CDH13: variants seen among roughly 807,000 people sequenced by gnomAD.
CDH13 encodes cadherin 13.
CDH13 carries 24 observed loss-of-function variants against 63.8 expected under a neutral mutation model. The ratio of observed to expected loss-of-function variants is 0.38; its 90% CI spans 0.27 to 0.53. The LOEUF is 0.53. Ranked by LOEUF, CDH13 falls within the 20% of genes least tolerant of loss-of-function variation. The pLI is 0.85. For missense variants in CDH13, 1,049 were observed against 903.1 expected (o/e 1.16, Z -2.07); for synonymous variants, 503 against 355.3 (o/e 1.42, Z -4.67).
At chr16:83,211,152 A>G (rs1229229416) in intron 4 of CDH13, among the ~76,000 whole-genome samples, 1 of 152,012 alleles carries the variant, frequency 6.6e-6, no homozygotes, top group Non-Finnish European at 1.5e-5. Flanking sequence ...CATCTCAAAA[A>G]AAAAAAAAAA....
At chr16:83,368,561 G>A (rs1338771601) in intron 6 of CDH13, among the ~76,000 whole-genome samples, 3 of 151,618 alleles carry the variant, frequency 2.0e-5, no homozygotes, top group Admixed American at 6.6e-5. Flanking sequence ...AACAGGTGGT[G>A]TTTGGTTACA....
intron 4 of CDH13, among the ~76,000 whole-genome samples, chr16:83,191,852 C>T (rs545936498): frequency 3.9e-5 from 6 of 152,138 alleles, no homozygotes; most frequent in African/African-American, 7.2e-5. Context: ...GTCTGCCTTT[C>T]CCAGCCCACT....
At chr16:83,776,450 C>G (rs1915120020) in intron 11 of CDH13, among the ~76,000 whole-genome samples, 1 of 152,138 alleles carries the variant, frequency 6.6e-6, no homozygotes. Context: ...TGATGATATG[C>G]CACCATTAGA....
At chr16:83,764,443 A>T (rs1914223476) in intron 11 of CDH13, among the ~76,000 whole-genome samples, 1 of 152,216 alleles carries the variant, frequency 6.6e-6, no homozygotes. Flanking sequence ...ATGCAAAAGA[A>T]ACTGATTTTG....
At chr16:83,713,997 G>T (rs1451247721) in intron 10 of CDH13, among the ~76,000 whole-genome samples, 1 of 152,158 alleles carries the variant, frequency 6.6e-6, no homozygotes, top group Non-Finnish European at 1.5e-5. Context: ...AAATTCCTGG[G>T]CTCATGCTCA....
At position 83,611,944 on chromosome 16, in the gene CDH13, A is replaced by G. The variant is rs62040198; in HGVS notation, c.1101+9350A>G. On this transcript the variant is annotated intron_variant, in intron 8 of 13. Transcript: ENST00000567109. ...TGCTTTACAAGCTCACATGTAATCA[A>G]TTTTGATAGATGGCCCATGAATGCT... Among the ~76,000 whole-genome samples, 1,418 of 152,194 alleles carry G rather than the reference A, an allele frequency of 9.3e-3. 10 individuals are homozygous for G. Among genetic ancestry groups the G allele is most frequent in the Middle Eastern group, 0.041 (12 of 294 alleles).
At chr16:83,068,555 A>T (rs566881307) in intron 3 of CDH13, among the ~76,000 whole-genome samples, 2 of 152,298 alleles carry the variant, frequency 1.3e-5, no homozygotes, top group East Asian at 3.9e-4. Flanking sequence ...CTCTTTAAAC[A>T]CTATGGCCTG....
At chr16:83,478,854 GAAAAA>G (rs1169717784) in intron 6 of CDH13, among the ~76,000 whole-genome samples, 1 of 138,026 alleles carries the variant, frequency 7.2e-6, no homozygotes, top group Non-Finnish European at 1.6e-5. Flanking sequence ...AAAAAAAAAA[GAAAAA>G]AAGAAAAAGC....
At chr16:83,316,745 C>T (rs1597730107) in intron 5 of CDH13, among the ~76,000 whole-genome samples, 2 of 152,194 alleles carry the variant, frequency 1.3e-5, no homozygotes, top group Admixed American at 6.5e-5. Flanking sequence ...TTTGATTTTA[C>T]TCCTCACAGC....
intron 11 of CDH13, among the ~76,000 whole-genome samples, chr16:83,777,278 G>T (rs776612672): frequency 6.6e-6 from 1 of 152,204 alleles, no homozygotes; most frequent in African/African-American, 2.4e-5. Context: ...ATTGGTACAG[G>T]TCCCTTGTGA....
chr16:83,391,387 G>A lies in CDH13; in HGVS notation c.781+46381G>A, dbSNP rs2091783397. Among the ~76,000 whole-genome samples the A allele has an allele frequency of 3.3e-5, 5 of 151,982 alleles. No homozygotes were observed. In the South Asian group the frequency reaches 6.3e-4, roughly 19 times the overall value. On this transcript the variant is annotated intron_variant, in intron 6 of 13. Coordinates refer to ENST00000567109, the MANE Select transcript of CDH13 (RefSeq NM_001257.5). ...CACCCAGCTAATTTTTGTATTTTTC[G>A]TAGAGACGGGGTTTCACCATGTTGG...
chr16:83,506,814 C>G (rs1567721089), intron 7 of CDH13, among the ~76,000 whole-genome samples: 1 of 152,198 alleles, frequency 6.6e-6, no homozygotes, highest in Non-Finnish European at 1.5e-5. Context: ...GGAACTGAGG[C>G]CACCTACTAA....
chr16:82,735,735 C>T (rs2033639623), intron 1 of CDH13, among the ~76,000 whole-genome samples: 1 of 152,150 alleles, frequency 6.6e-6, no homozygotes, highest in Admixed American at 6.5e-5. Flanking sequence ...TGTTGCCATC[C>T]AGTAAAGCAC....
At chr16:83,096,226 A>G (rs962599968) in intron 3 of CDH13, among the ~76,000 whole-genome samples, 1 of 152,204 alleles carries the variant, frequency 6.6e-6, no homozygotes, top group Non-Finnish European at 1.5e-5. Context: ...AAAGTTAATC[A>G]TCAGGTCTCA....
intron 1 of CDH13, among the ~76,000 whole-genome samples, chr16:82,849,230 A>C (rs527878551): frequency 1.8e-4 from 27 of 152,314 alleles, no homozygotes; most frequent in African/African-American, 6.3e-4. Flanking sequence ...AAAGCCAAGC[A>C]CAGTGGCTCA....
intron 2 of CDH13, among the ~76,000 whole-genome samples, chr16:82,880,265 C>A (rs1357522527): frequency 6.6e-6 from 1 of 152,010 alleles, no homozygotes; most frequent in Non-Finnish European, 1.5e-5. Context: ...AATTATTAAC[C>A]CTGTAAACCG....
At chr16:82,710,065 C>T (rs1381742538) in intron 1 of CDH13, among the ~76,000 whole-genome samples, 1 of 150,456 alleles carries the variant, frequency 6.6e-6, no homozygotes, top group Non-Finnish European at 1.5e-5. Context: ...ACACACACTA[C>T]ACACACACAT....
intron 5 of CDH13, among the ~76,000 whole-genome samples, chr16:83,244,479 G>A (rs760936382): frequency 6.6e-6 from 1 of 152,154 alleles, no homozygotes; most frequent in Non-Finnish European, 1.5e-5. Flanking sequence ...TGTGCTCGGT[G>A]TTTAACATAC....
chr16:82,714,612 C>T (rs551159181), intron 1 of CDH13, among the ~76,000 whole-genome samples: 1 of 146,778 alleles, frequency 6.8e-6, no homozygotes, highest in East Asian at 2.0e-4. Context: ...TACTCAGGAG[C>T]CTGAGGCAGG....
Sources: allele counts gnomAD v4.1 joint callset (sites outside exome capture counted in the v4.1 genomes callset), GRCh38; gene constraint gnomAD v4.1.1; transcripts MANE v1.5; gene names NCBI Gene and HGNC (gene_info 2026-07-23, HGNC 2026-07-21).